DNM3: variants seen among roughly 807,000 people sequenced by gnomAD.
DNM3 encodes dynamin 3.
A neutral mutation model predicts 101.6 loss-of-function variants in DNM3; 47 were observed. That is an observed-to-expected ratio of 0.46 (90% CI 0.37 to 0.59). The LOEUF is 0.59. Ranked by LOEUF, DNM3 falls within the 20% of genes least tolerant of loss-of-function variation. The pLI is 0.00. For synonymous variants in DNM3, 385 were observed against 387.9 expected (o/e 0.99, Z 0.09); for missense variants, 849 against 1,085.7 (o/e 0.78, Z 3.06).
chr1:171,955,052 A>G (rs1374085933), intron 2 of DNM3, among the ~76,000 whole-genome samples: 3 of 152,164 alleles, frequency 2.0e-5, no homozygotes, highest in Admixed American at 2.0e-4. Context: ...AATTTGAAGT[A>G]CTTCTGTGGG....
At chr1:172,060,080 T>A (rs2051041274) in intron 10 of DNM3, among the ~76,000 whole-genome samples, 1 of 151,730 alleles carries the variant, frequency 6.6e-6, no homozygotes, top group Non-Finnish European at 1.5e-5. Context: ...AAATCATGAG[T>A]GAACTCCCAT....
At chr1:172,102,289 T>G (rs1572516682) in intron 13 of DNM3, among the ~76,000 whole-genome samples, 1 of 152,290 alleles carries the variant, frequency 6.6e-6, no homozygotes, top group East Asian at 1.9e-4. Flanking sequence ...TTTAATTCTA[T>G]AAAAATATCT....
chr1:172,399,277 A>T (rs1001748802), intron 20 of DNM3, among the ~76,000 whole-genome samples: 1 of 152,238 alleles, frequency 6.6e-6, no homozygotes, highest in African/African-American at 2.4e-5. Context: ...TAGGAGTTTC[A>T]TAGTGCCTTC....
intron 14 of DNM3, among the ~76,000 whole-genome samples, chr1:172,162,995 G>A (rs1401542370): frequency 3.3e-5 from 5 of 151,992 alleles, no homozygotes; most frequent in African/African-American, 1.2e-4. Flanking sequence ...ATGAAAGCAG[G>A]CATCCTTGAG....
intron 6 of DNM3, among the ~76,000 whole-genome samples, chr1:172,036,492 A>T (rs1364258659): frequency 2.0e-5 from 3 of 152,166 alleles, no homozygotes; most frequent in African/African-American, 7.2e-5. Flanking sequence ...ATAACGCCGC[A>T]TATCTACAAC....
intron 2 of DNM3, among the ~76,000 whole-genome samples, chr1:171,984,428 G>T (rs568618465): frequency 6.6e-6 from 1 of 152,002 alleles, no homozygotes; most frequent in African/African-American, 2.4e-5. Flanking sequence ...CTCCAGCCAC[G>T]TGGACCTGGC....
At chr1:172,336,083 G>A (rs1338811948) in intron 17 of DNM3, among the ~76,000 whole-genome samples, 1 of 152,158 alleles carries the variant, frequency 6.6e-6, no homozygotes, top group African/African-American at 2.4e-5. Context: ...GGTTGGGGGT[G>A]CTACTATCTA....
At chr1:172,400,578 C>G (rs1453108338) in intron 20 of DNM3, among the ~76,000 whole-genome samples, 2 of 152,182 alleles carry the variant, frequency 1.3e-5, no homozygotes, top group Non-Finnish European at 2.9e-5. Flanking sequence ...CTCTTGCCTT[C>G]TGCTTCTCTG....
chr1:172,263,246 G>C (rs2062734623), intron 15 of DNM3, among the ~76,000 whole-genome samples: 1 of 152,296 alleles, frequency 6.6e-6, no homozygotes, highest in South Asian at 2.1e-4. Context: ...AAACTGATTA[G>C]AGAGAAATAG....
chr1:172,038,344 C>G lies in DNM3; in HGVS notation c.875C>G (p.Thr292Ser), dbSNP rs1334733855. The G allele has an allele frequency of 1.2e-6, 2 of 1,613,190 alleles. No individual in the cohort carries two copies. The highest frequency in any genetic ancestry group is 2.7e-5 in the African/African-American group (2 of 74,852). Residue 292 changes from threonine to serine, a missense_variant, in exon 7 of 21, where the codon ACC becomes AGC. Physicochemically the swap from Thr to Ser is moderately conservative, Grantham distance 58. Coordinates refer to ENST00000627582, the MANE Select transcript of DNM3 (RefSeq NM_015569.5). ...NQQLTNHIRD[T>S]LPNFRNKLQG... is the part of the protein sequence containing the mutation. ...CAACTTACCAACCACATTCGGGATA[C>G]CCTACCAAACTTCAGGAACAAACTA... is the stretch of plus-strand genomic sequence containing the variant.
chr1:172,364,077 T>G (rs1331146545), intron 17 of DNM3, among the ~76,000 whole-genome samples: 1 of 151,988 alleles, frequency 6.6e-6, no homozygotes. Context: ...TTTGGCCTGT[T>G]AATGGGCTCC....
chr1:172,401,199 A>C (rs554072955), intron 20 of DNM3, among the ~76,000 whole-genome samples: 12 of 152,318 alleles, frequency 7.9e-5, no homozygotes, highest in Admixed American at 5.2e-4. Flanking sequence ...TATTTTAAAA[A>C]CCAACTTAAA....
At chr1:171,856,218 G>A (rs994527447) in intron 1 of DNM3, among the ~76,000 whole-genome samples, 4 of 152,028 alleles carry the variant, frequency 2.6e-5, no homozygotes, top group African/African-American at 9.7e-5. Context: ...TCTGTATTCT[G>A]TCCCATCAGT....
At chr1:171,883,950 G>A (rs1014315920) in intron 1 of DNM3, among the ~76,000 whole-genome samples, 4 of 152,094 alleles carry the variant, frequency 2.6e-5, no homozygotes, top group South Asian at 2.1e-4. Flanking sequence ...ATAATGTATC[G>A]TCTGCTCAGT....
chr1:171,921,010 G>A (rs185454173), intron 1 of DNM3, among the ~76,000 whole-genome samples: 410 of 152,198 alleles, frequency 2.7e-3, no homozygotes, highest in African/African-American at 9.6e-3. Context: ...CTGCAACTCT[G>A]CCTCCCAGGC....
chr1:172,409,576 C>G lies in DNM3; in HGVS notation c.*1735C>G. 2.0e-6 allele frequency: 2 copies of G among 985,270 alleles called. No homozygotes were observed. Among genetic ancestry groups the G allele is most frequent in the Non-Finnish European group, 2.4e-6 (2 of 829,824 alleles). 61.0% of individuals were successfully genotyped at this position (985,270 alleles called of 1,614,324 possible). A position where few individuals can be genotyped will look rare whatever the true frequency, so the allele number is the denominator to read the frequency against. On this transcript the variant is annotated 3_prime_UTR_variant, in exon 21 of 21. Transcript: ENST00000627582. ...AATCCTAAATCCTCTCGTATCTCAC[C>G]CCAAACCCCAAACTGGGGGAAAAAA...
At chr1:172,100,764 G>T (rs1014800329) in intron 13 of DNM3, among the ~76,000 whole-genome samples, 1 of 152,160 alleles carries the variant, frequency 6.6e-6, no homozygotes, top group Admixed American at 6.5e-5. Context: ...AGCTCAAATA[G>T]TGTCACCATG....
rs77736614 is a variant in DNM3, at chr1:171,987,942, T to C, written c.385+137T>C. ...CTTTGGATACTGCCCATTAATGTTA[T>C]GGTTCAAAGAGCTCTTAAGACATTT... On this transcript the variant is annotated intron_variant, in intron 3 of 20. Coordinates refer to ENST00000627582, the MANE Select transcript of DNM3 (RefSeq NM_015569.5). The C allele has an allele frequency of 4.1e-3, 3,286 of 807,024 alleles. 101 individuals carry two copies. The African/African-American group carries it at 0.054, about 13-fold the overall frequency. 50.0% of individuals were successfully genotyped at this position (807,024 alleles called of 1,614,324 possible). A position where few individuals can be genotyped will look rare whatever the true frequency, so the allele number is the denominator to read the frequency against.
intron 14 of DNM3, among the ~76,000 whole-genome samples, chr1:172,236,667 G>T (rs1230962083): frequency 6.6e-6 from 1 of 151,916 alleles, no homozygotes; most frequent in African/African-American, 2.4e-5. Flanking sequence ...GGGAGGAAGA[G>T]GAGAATACAT....
Sources: gnomAD v4.1 joint callset for allele counts (sites outside exome capture counted in the v4.1 genomes callset) on GRCh38, gnomAD v4.1.1 for gene constraint, MANE v1.5 for transcripts, NCBI Gene and HGNC (gene_info 2026-07-23, HGNC 2026-07-21) for gene names.